Variants in DNMT3A observed in about 807,000 individuals in gnomAD.
DNMT3A encodes the protein DNA (cytosine-5)-methyltransferase 3A.
Under a neutral mutation model 117.6 loss-of-function variants are expected in DNMT3A, and 267 were observed. The observed-to-expected ratio is 2.27, with a 90% CI of 2.05 to 2.51. DNMT3A has a LOEUF of 2.51. Among genes scored for constraint, DNMT3A ranks in the 30% most tolerant of loss-of-function variants. DNMT3A has a pLI of 0.00. For synonymous variants in DNMT3A, 432 were observed against 474.8 expected (o/e 0.91, Z 1.17); for missense variants, 1,029 against 1,260.2 (o/e 0.82, Z 2.78).
At chr2:25,333,283 C>T (rs958110916) in intron 1 of DNMT3A, among the ~76,000 whole-genome samples, 8 of 151,888 alleles carry the variant, frequency 5.3e-5, no homozygotes, top group Non-Finnish European at 8.8e-5. Flanking sequence ...TATCTCTTCC[C>T]CTCACCGTGA....
At position 25,282,176 on chromosome 2, in the gene DNMT3A, C is replaced by G. The variant is rs2031928932; in HGVS notation, c.448+265G>C. 2.5e-6 allele frequency: 3 copies of G among 1,210,290 alleles called. No individual in the cohort carries two copies. The highest frequency in any genetic ancestry group is 3.2e-6 in the Non-Finnish European group (3 of 950,198). 75.0% of individuals were successfully genotyped at this position (1,210,290 alleles called of 1,614,324 possible). ...TAGCTTTTTTTTTTTTCATGAGAAG[C>G]CAAAACTCCAGATTTTTATGTGAAA... On this transcript the variant is annotated intron_variant, in intron 4 of 22. Transcript: ENST00000321117. This position sits in a 1 kb window ranked among gnomAD's most constrained non-coding sequence, Gnocchi z 5.2.
chr2:25,304,399 C>T lies in DNMT3A; in HGVS notation c.73-4156G>A, dbSNP rs1012477044. On this transcript the variant is annotated intron_variant, in intron 2 of 22. Coordinates refer to ENST00000321117, the MANE Select transcript of DNMT3A (RefSeq NM_022552.5). This position sits in a 1 kb window ranked among gnomAD's most constrained non-coding sequence, Gnocchi z 4.3. ...ACTCGAGAACTGCTACCTTCCCCCG[C>T]TCCACACATCCTGATTCGTACTTCA... 6.6e-6 allele frequency among the ~76,000 whole-genome samples: 1 copy of T among 152,192 alleles called. No homozygotes were observed. Among genetic ancestry groups the T allele is most frequent in the African/African-American group, 2.4e-5 (1 of 41,442 alleles).
rs2031897591 is a variant in DNMT3A at position 25,281,713 on chromosome 2, G to A, written c.448+728C>T. The A allele has an allele frequency of 9.4e-7, 1 of 1,065,848 alleles. No homozygotes were observed. The highest frequency in any genetic ancestry group is 1.1e-6 in the Non-Finnish European group (1 of 879,572). 66.0% of individuals were successfully genotyped at this position (1,065,848 alleles called of 1,614,324 possible). On this transcript the variant is annotated intron_variant, in intron 4 of 22. Coordinates refer to ENST00000321117, the MANE Select transcript of DNMT3A (RefSeq NM_022552.5). The surrounding 1 kb of genome is among the most constrained non-coding windows in gnomAD (Gnocchi z 4.8). ...TGCTAGTTGTCCTCATTACTAACAT[G>A]TTTACAGCTCGGTTGGCCCTGAAAT...
chr2:25,316,442 G>A (rs1253928700), intron 1 of DNMT3A, among the ~76,000 whole-genome samples: 1 of 152,170 alleles, frequency 6.6e-6, no homozygotes, highest in East Asian at 1.9e-4. Context: ...CAACCCTTTC[G>A]TGTTGCTCAA....
chr2:25,243,531 T>C (rs1189857989), intron 16 of DNMT3A, among the ~76,000 whole-genome samples: 1 of 152,180 alleles, frequency 6.6e-6, no homozygotes, highest in Non-Finnish European at 1.5e-5. Flanking sequence ...CTTTAGACTA[T>C]CTTGTGTATA....
rs151116475 is a variant in DNMT3A, at chr2:25,321,318, T to C, written c.-177-7157A>G. On this transcript the variant is annotated intron_variant, in intron 1 of 22. Coordinates refer to ENST00000321117, the MANE Select transcript of DNMT3A (RefSeq NM_022552.5). ...CTCATTCCTTGCCACGTGGTCCCCTTCCAACTCCAAAGCCAGCGATGGCCA... is the reference window on the plus strand; with the variant it reads ...CTCATTCCTTGCCACGTGGTCCCCTCCCAACTCCAAAGCCAGCGATGGCCA... Among the ~76,000 whole-genome samples, 12 of 152,294 alleles carry C rather than the reference T, an allele frequency of 7.9e-5. No individual in the cohort carries two copies. The East Asian group carries it at 2.3e-3, about 29-fold the overall frequency.
rs2031880786 is a variant in DNMT3A, at chr2:25,281,443, G to C, written c.448+998C>G. Reference sequence around the variant, plus strand: ...TTTGTCGAATAATAAATGAATAAAAGCTTCTTAATAAGTTTGGAAATTTGT... The same window carrying C: ...TTTGTCGAATAATAAATGAATAAAACCTTCTTAATAAGTTTGGAAATTTGT... On this transcript the variant is annotated intron_variant, in intron 4 of 22. Coordinates refer to ENST00000321117, the MANE Select transcript of DNMT3A (RefSeq NM_022552.5). This position sits in a 1 kb window ranked among gnomAD's most constrained non-coding sequence, Gnocchi z 4.8. 9.6e-7 allele frequency: 1 copy of C among 1,041,030 alleles called. No individual in the cohort carries two copies. The highest frequency in any genetic ancestry group is 1.2e-6 in the Non-Finnish European group (1 of 863,914). 64.5% of individuals were successfully genotyped at this position (1,041,030 alleles called of 1,614,324 possible). A position where few individuals can be genotyped will look rare whatever the true frequency, so the allele number is the denominator to read the frequency against.
intron 15 of DNMT3A, 50 bp downstream of exon 15, chr2:25,244,105 C>T: frequency 6.2e-7 from 1 of 1,611,972 alleles, no homozygotes; most frequent in South Asian, 1.1e-5. Flanking sequence ...GCCCCACAAC[C>T]AAGGCTCAGC....
At chr2:25,301,475 G>T (rs566066676) in intron 2 of DNMT3A, among the ~76,000 whole-genome samples, 1 of 152,048 alleles carries the variant, frequency 6.6e-6, no homozygotes, top group Non-Finnish European at 1.5e-5. Context: ...TCCATCTCTT[G>T]CATTCACCGA....
rs1045629098 is a variant in DNMT3A, at chr2:25,293,096, C to G, written c.177+7043G>C. On this transcript the variant is annotated intron_variant, in intron 3 of 22. Coordinates refer to ENST00000321117, the MANE Select transcript of DNMT3A (RefSeq NM_022552.5). This position sits in a 1 kb window ranked among gnomAD's most constrained non-coding sequence, Gnocchi z 4.7. Reference sequence around the variant, plus strand: ...ATGTAAGGTGGCCTTGACAGGGGCCCCTTCCCCATCTGCTCCCTTCCAGAA... The same window carrying G: ...ATGTAAGGTGGCCTTGACAGGGGCCGCTTCCCCATCTGCTCCCTTCCAGAA... 3.3e-5 allele frequency among the ~76,000 whole-genome samples: 5 copies of G among 152,196 alleles called. No homozygotes were observed. Among genetic ancestry groups the G allele is most frequent in the African/African-American group, 1.2e-4 (5 of 41,452 alleles).
chr2:25,239,293 T>C (rs1301554929), intron 19 of DNMT3A, 78 bp from the exon 20 acceptor site: 8 of 1,327,286 alleles, frequency 6.0e-6, no homozygotes, highest in African/African-American at 1.4e-5. Flanking sequence ...GGGTCGAGCC[T>C]TAAAGCCTCA....
At position 25,327,485 on chromosome 2, in the gene DNMT3A, C is replaced by T. The variant is rs148788487; in HGVS notation, c.-177-13324G>A. ...TGCTTCTGGAGCTCACCAGCAACTG[C>T]CTTCTGTGTGTTCTCTCCCAGCCAT... On this transcript the variant is annotated intron_variant, in intron 1 of 22. Transcript: ENST00000321117. The surrounding 1 kb of genome is among the most constrained non-coding windows in gnomAD (Gnocchi z 4.1). Among the ~76,000 whole-genome samples, 187 of 152,276 alleles carry T rather than the reference C, an allele frequency of 1.2e-3. 2 individuals carry two copies. Among genetic ancestry groups the T allele is most frequent in the African/African-American group, 4.3e-3 (179 of 41,540 alleles).
intron 6 of DNMT3A, among the ~76,000 whole-genome samples, chr2:25,264,798 C>T (rs889351547): frequency 3.3e-5 from 5 of 152,148 alleles, no homozygotes; most frequent in African/African-American, 1.2e-4. Context: ...ACGTATGTGC[C>T]TTTAGAAGAG....
chr2:25,339,215 T>C lies in DNMT3A; in HGVS notation c.-178+2611A>G, dbSNP rs375556618. Among the ~76,000 whole-genome samples, 2 of 152,176 alleles carry C rather than the reference T, an allele frequency of 1.3e-5. No homozygotes were observed. Among genetic ancestry groups the C allele is most frequent in the East Asian group, 1.9e-4 (1 of 5,172 alleles). ...AATTCCACCACTAGAATCAGAGCCA[T>C]AGAATGTCAAAGCTGGAATGGACCT... On this transcript the variant is annotated intron_variant, in intron 1 of 22. Coordinates refer to ENST00000321117, the MANE Select transcript of DNMT3A (RefSeq NM_022552.5). This position sits in a 1 kb window ranked among gnomAD's most constrained non-coding sequence, Gnocchi z 4.9.
chr2:25,274,816 T>C, intron 6 of DNMT3A, 125 bp downstream of exon 6: 1 of 1,193,782 alleles, frequency 8.4e-7, no homozygotes, highest in South Asian at 1.6e-5. Context: ...CCAGTCATCA[T>C]GACTAGAGAT....
chr2:25,260,319 A>G (rs764373391), intron 6 of DNMT3A, among the ~76,000 whole-genome samples: 1 of 152,170 alleles, frequency 6.6e-6, no homozygotes, highest in Admixed American at 6.5e-5. Context: ...AATCAAACCT[A>G]CAAGTACTGT....
chr2:25,288,051 G>T (rs1283710727), intron 3 of DNMT3A, among the ~76,000 whole-genome samples: 1 of 151,332 alleles, frequency 6.6e-6, no homozygotes, highest in Non-Finnish European at 1.5e-5. Context: ...GTCCAGGCTG[G>T]ATTCAAACTC....
chr2:25,272,991 T>TTTTTTTTTTTTTA (rs1553421119), intron 6 of DNMT3A, among the ~76,000 whole-genome samples: 8 of 147,864 alleles, frequency 5.4e-5, no homozygotes, highest in African/African-American at 2.0e-4. Context: ...TTTTTTTTTT[T>TTTTTTTTTTTTTA]GAGACAGAGT....
intron 2 of DNMT3A, among the ~76,000 whole-genome samples, chr2:25,309,554 C>G (rs749784311): frequency 6.6e-6 from 1 of 152,082 alleles, no homozygotes; most frequent in Non-Finnish European, 1.5e-5. Flanking sequence ...ACATCACCAC[C>G]GGGGGGCACT....
Sources: allele counts gnomAD v4.1 joint callset (sites outside exome capture counted in the v4.1 genomes callset), GRCh38; gene constraint gnomAD v4.1.1; non-coding constraint Gnocchi (gnomAD v3.1); transcripts MANE v1.5; gene names NCBI Gene and HGNC (gene_info 2026-07-23, HGNC 2026-07-21).